The following KDM2B variants were observed in gnomAD, a reference collection of about 807,000 sequenced individuals.
KDM2B encodes lysine-specific demethylase 2B.
A neutral mutation model predicts 150.0 loss-of-function variants in KDM2B; 26 were observed. The observed-to-expected ratio is 0.17, with a 90% CI of 0.13 to 0.24. The LOEUF is 0.24. Ranked by LOEUF, KDM2B falls within the 10% of genes least tolerant of loss-of-function variation. The pLI, the probability that KDM2B is intolerant of heterozygous loss-of-function variation, is 1.00. For missense variants in KDM2B, 1,265 were observed against 1,816.9 expected (o/e 0.70, Z 5.52); for synonymous variants, 734 against 729.5 (o/e 1.01, Z -0.10).
intron 2 of KDM2B, among the ~76,000 whole-genome samples, chr12:121,578,073 C>T (rs1891628343): frequency 2.0e-5 from 3 of 152,194 alleles, no homozygotes; most frequent in Non-Finnish European, 2.9e-5. Context: ...GACCCATTTC[C>T]TCACTTCAAA....
In KDM2B at chr12:121,452,540, A is replaced by G. The variant is rs1226756371; in HGVS notation, c.1959+580T>C. ...CGGGGAGCAGCGCCCTGAGGAAGGC[A>G]GAGCATGTGGGTGTGTACAAGGGAA... On this transcript the variant is annotated intron_variant, in intron 13 of 22. Transcript: ENST00000377071. This position sits in a 1 kb window ranked among gnomAD's most constrained non-coding sequence, Gnocchi z 4.4. 6.6e-6 allele frequency among the ~76,000 whole-genome samples: 1 copy of G among 152,250 alleles called. No individual in the cohort carries two copies.
intron 1 of KDM2B, chr12:121,579,549 G>GC: frequency 1.6e-6 from 2 of 1,286,318 alleles, no homozygotes; most frequent in Non-Finnish European, 2.0e-6. Flanking sequence ...GAGAATCGGG[G>GC]CTTGGAAGGG....
the KDM2B span, among the ~76,000 whole-genome samples, chr12:121,419,636 T>C: frequency 6.6e-6 from 1 of 152,190 alleles, no homozygotes; most frequent in African/African-American, 2.4e-5. Context: ...TTGTCAAATA[T>C]AGTCAAAAGA....
intron 12 of KDM2B, among the ~76,000 whole-genome samples, chr12:121,456,115 A>G (rs1195565281): frequency 6.6e-6 from 1 of 152,212 alleles, no homozygotes; most frequent in Admixed American, 6.5e-5. Flanking sequence ...TGAAGCCAGT[A>G]ATTTGCCTGT....
At chr12:121,486,794 AATAATC>A (rs1224017310) in intron 12 of KDM2B, among the ~76,000 whole-genome samples, 1 of 151,746 alleles carries the variant, frequency 6.6e-6, no homozygotes, top group African/African-American at 2.4e-5. Flanking sequence ...CTCCAATAAT[AATAATC>A]ATAATCATAA....
intron 8 of KDM2B, among the ~76,000 whole-genome samples, chr12:121,529,860 G>A (rs1887482431): frequency 6.6e-6 from 1 of 150,914 alleles, no homozygotes; most frequent in African/African-American, 2.4e-5. Flanking sequence ...AACCCGGGAG[G>A]CGGAGGTTGC....
chr12:121,428,310 A>G (rs562490516), downstream of KDM2B, among the ~76,000 whole-genome samples: 1 of 152,154 alleles, frequency 6.6e-6, no homozygotes, highest in East Asian at 1.9e-4. Flanking sequence ...CTCCTGTCTC[A>G]GCCTCCTGAG....
chr12:121,454,272 C>T (rs868987832), intron 12 of KDM2B, among the ~76,000 whole-genome samples: 10 of 152,230 alleles, frequency 6.6e-5, no homozygotes, highest in Non-Finnish European at 1.2e-4. Context: ...GCAGAATGCA[C>T]TCAACAAACC....
At position 121,467,476 on chromosome 12, in the gene KDM2B, A is replaced by C; in HGVS notation, c.1735-14132T>G. 2.3e-6 allele frequency: 1 copy of C among 435,462 alleles called. No homozygotes were observed. Among genetic ancestry groups the C allele is most frequent in the Non-Finnish European group, 3.0e-6 (1 of 330,312 alleles). 27.0% of individuals were successfully genotyped at this position (435,462 alleles called of 1,614,324 possible). A position where few individuals can be genotyped will look rare whatever the true frequency, so the allele number is the denominator to read the frequency against. ...GCTGGCCCCCCGGGCGGGCGGGCCA[A>C]TGGCGCGGCCGCGGCGCTGGGGCCG... is the stretch of plus-strand genomic sequence containing the variant. On this transcript the variant is annotated intron_variant, in intron 12 of 22. Coordinates refer to ENST00000377071, the MANE Select transcript of KDM2B (RefSeq NM_032590.5). The surrounding 1 kb of genome is among the most constrained non-coding windows in gnomAD (Gnocchi z 5.1).
intron 6 of KDM2B, among the ~76,000 whole-genome samples, chr12:121,540,306 C>A (rs545456041): frequency 6.6e-6 from 1 of 152,090 alleles, no homozygotes; most frequent in Non-Finnish European, 1.5e-5. Flanking sequence ...TGTGCGGGGC[C>A]GGTTTCCCTA....
At position 121,479,391 on chromosome 12, in the gene KDM2B, C is replaced by A. The variant is rs1314405304; in HGVS notation, c.1734+15188G>T. On this transcript the variant is annotated intron_variant, in intron 12 of 22. Transcript: ENST00000377071. ...CTGAGGCAGGAGAATGGCGTGAACC[C>A]GGGAGGCGGAGCTTGCAATGAGCCG... is the stretch of plus-strand genomic sequence containing the variant. Among the ~76,000 whole-genome samples the A allele has an allele frequency of 7.4e-5, 11 of 149,644 alleles. No homozygotes were observed. The East Asian group carries it at 2.2e-3, about 31-fold the overall frequency.
At position 121,441,055 on chromosome 12, in the gene KDM2B, T is replaced by C; in HGVS notation, c.3448+15A>G. 6.8e-6 allele frequency: 11 copies of C among 1,613,832 alleles called. No homozygotes were observed. The highest frequency in any genetic ancestry group is 9.3e-6 in the Non-Finnish European group (11 of 1,179,830). Reference sequence around the variant, plus strand: ...CTGCAGCAGACACACTCGGGGCCACTGGCCCAGGGCTCACCAGGCAGCCGG... The same window carrying C: ...CTGCAGCAGACACACTCGGGGCCACCGGCCCAGGGCTCACCAGGCAGCCGG... On this transcript the variant is annotated intron_variant, in intron 20 of 22. Transcript: ENST00000377071.
At chr12:121,545,264 G>C (rs543589600) in intron 6 of KDM2B, among the ~76,000 whole-genome samples, 53 of 152,082 alleles carry the variant, frequency 3.5e-4, no homozygotes, top group African/African-American at 1.3e-3. Flanking sequence ...AACGAGGTTC[G>C]AATCCTCTAA....
chr12:121,501,309 G>T (rs934712247), intron 11 of KDM2B, among the ~76,000 whole-genome samples: 1 of 152,120 alleles, frequency 6.6e-6, no homozygotes, highest in Admixed American at 6.6e-5. Context: ...AACCCGGGAG[G>T]CGGATGTTGC....
Position 121,443,033 on chromosome 12 carries a change from G to C in KDM2B, c.2566-3C>G. The C allele has an allele frequency of 6.2e-7, 1 of 1,612,180 alleles. No individual in the cohort carries two copies. The highest frequency in any genetic ancestry group is 8.5e-7 in the Non-Finnish European group (1 of 1,179,160). ...TTATCTTCTTTGCCAGGTTTGAGCT[G>C]TCACGAAAAAGAAAGGACGCAGAGC... On this transcript the variant is annotated splice_polypyrimidine_tract_variant and splice_region_variant and intron_variant, in intron 17 of 22. Transcript: ENST00000377071.
intron 9 of KDM2B, among the ~76,000 whole-genome samples, chr12:121,516,047 G>T (rs375948750): frequency 2.6e-5 from 4 of 152,214 alleles, no homozygotes; most frequent in African/African-American, 4.8e-5. Context: ...TATGAAGAAG[G>T]GTTTAGGGGA....
chr12:121,571,492 T>C (rs1405790047), intron 4 of KDM2B, among the ~76,000 whole-genome samples: 5 of 152,042 alleles, frequency 3.3e-5, no homozygotes, highest in African/African-American at 1.2e-4. Context: ...TTTCATCATG[T>C]TGGCCAGGCT....
rs546706951 is a variant in KDM2B, at chr12:121,499,469, C to T, written c.1648-4804G>A. 2.0e-4 allele frequency among the ~76,000 whole-genome samples: 31 copies of T among 151,842 alleles called. No individual in the cohort carries two copies. The South Asian group carries it at 5.2e-3, about 26-fold the overall frequency. On this transcript the variant is annotated intron_variant, in intron 11 of 22. Coordinates refer to ENST00000377071, the MANE Select transcript of KDM2B (RefSeq NM_032590.5). ...TTCTTGGTAAGCCTGGGAAACACAG[C>T]GAGATCCCATCTCTACAAAAAAAAT... is the stretch of plus-strand genomic sequence containing the variant.
At position 121,453,454 on chromosome 12, in the gene KDM2B, G is replaced by A; in HGVS notation, c.1735-110C>T. The A allele has an allele frequency of 1.3e-6, 1 of 762,368 alleles. No homozygotes were observed. The allele number at this position is 762,368 out of a possible 1,614,324, so 47.2% of individuals were successfully genotyped here. ...TGTACCCCCAGAAAGACACGATGGGGGCTCTAAACCCCATTCCTCAGAGTG... is the reference window on the plus strand; with the variant it reads ...TGTACCCCCAGAAAGACACGATGGGAGCTCTAAACCCCATTCCTCAGAGTG... On this transcript the variant is annotated intron_variant, in intron 12 of 22. Transcript: ENST00000377071. This position sits in a 1 kb window ranked among gnomAD's most constrained non-coding sequence, Gnocchi z 6.4.
Sources: allele counts gnomAD v4.1 joint callset (sites outside exome capture counted in the v4.1 genomes callset), GRCh38; gene constraint gnomAD v4.1.1; non-coding constraint Gnocchi (gnomAD v3.1); transcripts MANE v1.5; gene names NCBI Gene and HGNC (gene_info 2026-07-23, HGNC 2026-07-21).